Variants in GPC5 observed in about 807,000 individuals in gnomAD.
The protein encoded by GPC5 is glypican 5, also known as glypican-5.
In GPC5, 47 loss-of-function variants were observed where a neutral mutation model predicts 53.9. That is an observed-to-expected ratio of 0.87 (90% CI 0.69 to 1.11). GPC5 has a LOEUF of 1.11. Among genes scored for constraint, GPC5 ranks in the 50% most tolerant of loss-of-function variants. GPC5 has a pLI of 0.00. For synonymous variants in GPC5, 286 were observed against 263.3 expected (o/e 1.09, Z -0.84); for missense variants, 748 against 713.1 (o/e 1.05, Z -0.56).
chr13:92,273,997 A>T (rs2042858123), intron 7 of GPC5, among the ~76,000 whole-genome samples: 1 of 152,170 alleles, frequency 6.6e-6, no homozygotes, highest in Admixed American at 6.5e-5. Context: ...TTAATTGACT[A>T]GTTTCTTTAA....
At chr13:92,568,470 T>A (rs1199253136) in intron 7 of GPC5, among the ~76,000 whole-genome samples, 4 of 152,204 alleles carry the variant, frequency 2.6e-5, no homozygotes, top group African/African-American at 9.6e-5. Context: ...ACAAAGACAT[T>A]TCCAGCTTGG....
chr13:91,925,515 A>G (rs1036702336), intron 6 of GPC5, among the ~76,000 whole-genome samples: 8 of 152,184 alleles, frequency 5.3e-5, no homozygotes, highest in African/African-American at 1.9e-4. Flanking sequence ...GAGTACAAAA[A>G]CGATTAAATG....
rs1033318977 is a variant in GPC5 at position 92,265,983 on chromosome 13, A to T, written c.1561+120994A>T. Reference sequence around the variant, plus strand: ...GAAAGAGAAAGCAAGAGGGGACTGAACTTGCTGTTTTATAACAAACCCACC... The same window carrying T: ...GAAAGAGAAAGCAAGAGGGGACTGATCTTGCTGTTTTATAACAAACCCACC... On this transcript the variant is annotated intron_variant, in intron 7 of 7. Coordinates refer to ENST00000377067, the MANE Select transcript of GPC5 (RefSeq NM_004466.6). 7.2e-5 allele frequency among the ~76,000 whole-genome samples: 11 copies of T among 152,286 alleles called. No homozygotes were observed. In the East Asian group the frequency reaches 2.1e-3, roughly 29 times the overall value.
chr13:92,092,177 A>G (rs1424655320), intron 6 of GPC5, among the ~76,000 whole-genome samples: 1 of 152,196 alleles, frequency 6.6e-6, no homozygotes, highest in Non-Finnish European at 1.5e-5. Flanking sequence ...AACAATGAAA[A>G]TGAAGCTCTC....
chr13:91,581,960 C>G (rs777127459), intron 2 of GPC5, among the ~76,000 whole-genome samples: 47 of 152,072 alleles, frequency 3.1e-4, no homozygotes, highest in Non-Finnish European at 5.7e-4. Context: ...AATTATAGGA[C>G]CAAAGTCCAA....
chr13:91,738,982 C>T (rs1275787334), intron 4 of GPC5, among the ~76,000 whole-genome samples: 7 of 151,228 alleles, frequency 4.6e-5, no homozygotes, highest in Non-Finnish European at 8.8e-5. Context: ...TTTGCTTTAG[C>T]CTTAGTATAG....
At chr13:92,566,636 G>A (rs562398917) in intron 7 of GPC5, among the ~76,000 whole-genome samples, 1 of 152,096 alleles carries the variant, frequency 6.6e-6, no homozygotes, top group South Asian at 2.1e-4. Context: ...TGATAATCTG[G>A]CTCTAGTGTT....
At chr13:92,449,572 C>T (rs1195477494) in intron 7 of GPC5, among the ~76,000 whole-genome samples, 1 of 151,962 alleles carries the variant, frequency 6.6e-6, no homozygotes, top group Non-Finnish European at 1.5e-5. Flanking sequence ...TCCACTTAGA[C>T]AAGTATTATG....
At chr13:92,229,487 A>G (rs1331926656) in intron 7 of GPC5, among the ~76,000 whole-genome samples, 7 of 149,258 alleles carry the variant, frequency 4.7e-5, no homozygotes, top group African/African-American at 1.8e-4. Context: ...GATTGTAAAT[A>G]AAGCATATAT....
At chr13:91,791,291 C>T (rs1293929702) in intron 5 of GPC5, among the ~76,000 whole-genome samples, 8 of 152,054 alleles carry the variant, frequency 5.3e-5, no homozygotes, top group Admixed American at 3.3e-4. Context: ...GAAGGAATGC[C>T]GAGGTAGAGC....
chr13:92,575,219 C>A (rs1201299819), intron 7 of GPC5, among the ~76,000 whole-genome samples: 1 of 152,118 alleles, frequency 6.6e-6, no homozygotes, highest in Non-Finnish European at 1.5e-5. Flanking sequence ...AAAATTTGAT[C>A]TTACTTGGAA....
intron 1 of GPC5, among the ~76,000 whole-genome samples, chr13:91,424,854 G>T (rs1878925266): frequency 6.6e-6 from 1 of 152,174 alleles, no homozygotes; most frequent in African/African-American, 2.4e-5. Context: ...TAATCTACTT[G>T]CTGGAATTCA....
At chr13:91,812,278 G>A (rs1314403871) in intron 5 of GPC5, among the ~76,000 whole-genome samples, 2 of 152,172 alleles carry the variant, frequency 1.3e-5, no homozygotes, top group South Asian at 2.1e-4. Context: ...GAACTGTTAA[G>A]TTGTGCCCCT....
intron 5 of GPC5, among the ~76,000 whole-genome samples, chr13:91,877,143 G>A (rs908337835): frequency 6.6e-6 from 1 of 152,240 alleles, no homozygotes; most frequent in Non-Finnish European, 1.5e-5. Flanking sequence ...GTTTGCTGCA[G>A]GGGTGGGGCC....
intron 5 of GPC5, among the ~76,000 whole-genome samples, chr13:91,877,898 C>T (rs751754144): frequency 1.3e-5 from 2 of 152,044 alleles, no homozygotes; most frequent in Non-Finnish European, 2.9e-5. Context: ...TCATGGGGGC[C>T]GGTCTTTCCT....
At chr13:92,695,633 T>C (rs1262167926) in intron 7 of GPC5, among the ~76,000 whole-genome samples, 3 of 152,158 alleles carry the variant, frequency 2.0e-5, no homozygotes, top group Admixed American at 6.5e-5. Context: ...ATTATATTAG[T>C]ACATACAACA....
At chr13:92,074,466 A>G (rs1393561667) in intron 6 of GPC5, among the ~76,000 whole-genome samples, 1 of 152,184 alleles carries the variant, frequency 6.6e-6, no homozygotes, top group Non-Finnish European at 1.5e-5. Flanking sequence ...AAACCAAAAC[A>G]CAGAGGGTAT....
intron 2 of GPC5, among the ~76,000 whole-genome samples, chr13:91,609,278 A>T (rs2033474094): frequency 1.3e-5 from 2 of 151,960 alleles, no homozygotes; most frequent in African/African-American, 4.8e-5. Context: ...TGGTGGGAAG[A>T]TGTAAACATG....
rs372580886 is a variant in GPC5 at position 92,432,383 on chromosome 13, G to C, written c.1561+287394G>C. Among the ~76,000 whole-genome samples the C allele has an allele frequency of 7.4e-3, 417 of 56,260 alleles. 3 individuals carry two copies. The highest frequency in any genetic ancestry group is 0.026 in the African/African-American group (389 of 15,008). The allele number at this position is 56,260 out of a possible 152,430, so 36.9% of individuals were successfully genotyped here. A position where few individuals can be genotyped will look rare whatever the true frequency, so the allele number is the denominator to read the frequency against. On this transcript the variant is annotated intron_variant, in intron 7 of 7. Coordinates refer to ENST00000377067, the MANE Select transcript of GPC5 (RefSeq NM_004466.6). ...TTTTTTTTTTTTTTTTTTTTTTCTTGAGATGGATTCTTGCTCTGTCACCCA... is the reference window on the plus strand; with the variant it reads ...TTTTTTTTTTTTTTTTTTTTTTCTTCAGATGGATTCTTGCTCTGTCACCCA...
Sources: allele counts gnomAD v4.1 joint callset (sites outside exome capture counted in the v4.1 genomes callset), GRCh38; gene constraint gnomAD v4.1.1; transcripts MANE v1.5; gene names NCBI Gene and HGNC (gene_info 2026-07-23, HGNC 2026-07-21).